Variants in CNBD1 observed in about 807,000 individuals in gnomAD.
CNBD1 encodes the protein cyclic nucleotide-binding domain-containing protein 1.
CNBD1 carries 71 observed loss-of-function variants against 54.4 expected under a neutral mutation model. That is an observed-to-expected ratio of 1.30 (90% CI 1.08 to 1.59). CNBD1 has a LOEUF of 1.59. Among genes scored for constraint, CNBD1 ranks in the 40% most tolerant of loss-of-function variants. The pLI, the probability that CNBD1 is intolerant of heterozygous loss-of-function variation, is 0.00. For missense variants in CNBD1, 659 were observed against 518.0 expected, an observed-to-expected ratio of 1.27 and a Z score of -2.64; for synonymous variants, 182 against 170.7, an observed-to-expected ratio of 1.07 and a Z score of -0.51.
chr8:86,890,635 A>G (rs955728976), intron 2 of CNBD1, among the ~76,000 whole-genome samples: 2 of 151,988 alleles, frequency 1.3e-5, no homozygotes, highest in Non-Finnish European at 2.9e-5. Flanking sequence ...TGTTAATTCT[A>G]TTTTTAGTCT....
intron 4 of CNBD1, among the ~76,000 whole-genome samples, chr8:87,173,657 A>T (rs1265062804): frequency 3.3e-5 from 4 of 120,384 alleles, no homozygotes; most frequent in Non-Finnish European, 6.8e-5. Flanking sequence ...GAGCTCCATT[A>T]TATGTTATTT....
At chr8:87,247,346 G>A (rs544087703) in intron 6 of CNBD1, among the ~76,000 whole-genome samples, 1 of 152,172 alleles carries the variant, frequency 6.6e-6, no homozygotes, top group African/African-American at 2.4e-5. Context: ...AGCTGAGAGA[G>A]GTGATCACGC....
At chr8:86,929,960 T>C (rs927412457) in intron 3 of CNBD1, among the ~76,000 whole-genome samples, 1 of 152,154 alleles carries the variant, frequency 6.6e-6, no homozygotes, top group Non-Finnish European at 1.5e-5. Context: ...CTGTGACATA[T>C]AAAGAGAAGT....
intron 4 of CNBD1, among the ~76,000 whole-genome samples, chr8:87,063,310 T>C (rs1322261591): frequency 6.6e-6 from 1 of 152,198 alleles, no homozygotes; most frequent in African/African-American, 2.4e-5. Flanking sequence ...ATCAGCATTA[T>C]AAGAATTGGA....
intron 6 of CNBD1, among the ~76,000 whole-genome samples, chr8:87,270,426 C>A (rs1055421056): frequency 6.6e-6 from 1 of 151,858 alleles, no homozygotes; most frequent in Non-Finnish European, 1.5e-5. Flanking sequence ...CCATCTCACG[C>A]CAGTCAGAAT....
chr8:86,902,412 ACTT>A (rs1310031512), intron 2 of CNBD1, among the ~76,000 whole-genome samples: 1 of 152,094 alleles, frequency 6.6e-6, no homozygotes, highest in African/African-American at 2.4e-5. Flanking sequence ...AATACACTGA[ACTT>A]CTTTTAATAC....
intron 6 of CNBD1, among the ~76,000 whole-genome samples, chr8:87,269,941 C>A (rs1808330197): frequency 6.6e-6 from 1 of 151,898 alleles, no homozygotes; most frequent in Non-Finnish European, 1.5e-5. Flanking sequence ...CAAATCCTGG[C>A]AGAGCTATAA....
intron 4 of CNBD1, among the ~76,000 whole-genome samples, chr8:87,145,336 C>T (rs968688266): frequency 6.6e-6 from 1 of 151,960 alleles, no homozygotes; most frequent in African/African-American, 2.4e-5. Flanking sequence ...GAATTTGTAC[C>T]TGTCAAAAAT....
chr8:86,952,737 T>C (rs2130450964), intron 4 of CNBD1, among the ~76,000 whole-genome samples: 1 of 152,276 alleles, frequency 6.6e-6, no homozygotes, highest in East Asian at 1.9e-4. Flanking sequence ...ATTTGTGATA[T>C]AAACTGTGCG....
chr8:87,389,881 T>G lies in CNBD1; in HGVS notation c.213+36095T>G, dbSNP rs182565421. Among the ~76,000 whole-genome samples, 410 of 152,276 alleles carry G rather than the reference T, an allele frequency of 2.7e-3. 1 individual carries two copies. Among genetic ancestry groups the G allele is most frequent in the Non-Finnish European group, 4.4e-3 (297 of 68,040 alleles). ...GGCTACAGTAACCAAAACAGCATGGTACTGGTACCTAAACAGAGATATAGA... is the reference window on the plus strand; with the variant it reads ...GGCTACAGTAACCAAAACAGCATGGGACTGGTACCTAAACAGAGATATAGA... On this transcript the variant is annotated intron_variant, in intron 2 of 7. Transcript: ENST00000521593.
At chr8:87,074,055 CG>C (rs1309853957) in intron 4 of CNBD1, among the ~76,000 whole-genome samples, 1 of 149,464 alleles carries the variant, frequency 6.7e-6, no homozygotes, top group African/African-American at 2.5e-5. Context: ...GAGCCGAGAT[CG>C]CGCCACTGCA....
chr8:87,361,689 AATAT>A (rs71277937), intron 10 of CNBD1, among the ~76,000 whole-genome samples: 2 of 143,448 alleles, frequency 1.4e-5, no homozygotes, highest in African/African-American at 2.6e-5. Context: ...TAGTTGGATG[AATAT>A]ATATATATAT....
intron 2 of CNBD1, among the ~76,000 whole-genome samples, chr8:87,409,989 C>T (rs1479378352): frequency 6.6e-6 from 1 of 151,864 alleles, no homozygotes; most frequent in Admixed American, 6.6e-5. Context: ...TGCCACTGCA[C>T]TCCAGCCTGG....
intron 2 of CNBD1, among the ~76,000 whole-genome samples, chr8:87,425,075 C>T (rs1210265093): frequency 6.6e-6 from 1 of 152,036 alleles, no homozygotes; most frequent in South Asian, 2.1e-4. Context: ...TTCATTTCAT[C>T]TTCCATTGCT....
chr8:87,312,816 G>A (rs1282118919), intron 8 of CNBD1, among the ~76,000 whole-genome samples: 2 of 151,736 alleles, frequency 1.3e-5, no homozygotes, highest in African/African-American at 4.8e-5. Flanking sequence ...GTCAGTACAG[G>A]GCAGCCATGT....
chr8:86,936,880 C>A (rs759375900), intron 3 of CNBD1, among the ~76,000 whole-genome samples: 7 of 151,994 alleles, frequency 4.6e-5, no homozygotes, highest in Non-Finnish European at 1.0e-4. Flanking sequence ...TTGTGAAAAG[C>A]AGAAGGATGC....
intron 4 of CNBD1, among the ~76,000 whole-genome samples, chr8:87,071,801 A>C (rs1563457348): frequency 1.3e-5 from 2 of 152,230 alleles, no homozygotes; most frequent in East Asian, 1.9e-4. Context: ...TTTGGGGTGG[A>C]GAGTTATGTA....
At chr8:87,235,075 C>A (rs1472716758) in intron 5 of CNBD1, among the ~76,000 whole-genome samples, 2 of 152,176 alleles carry the variant, frequency 1.3e-5, no homozygotes, top group African/African-American at 4.8e-5. Flanking sequence ...TAGCTCTCAG[C>A]TTTTCATCTG....
intron 2 of CNBD1, among the ~76,000 whole-genome samples, chr8:87,426,835 G>T (rs949027721): frequency 6.6e-6 from 1 of 152,040 alleles, no homozygotes; most frequent in Non-Finnish European, 1.5e-5. Flanking sequence ...AGACCCAAAA[G>T]GTACAGTTCC....
Sources: allele counts gnomAD v4.1 joint callset (sites outside exome capture counted in the v4.1 genomes callset), GRCh38; gene constraint gnomAD v4.1.1; transcripts MANE v1.5; gene names NCBI Gene and HGNC (gene_info 2026-07-23, HGNC 2026-07-21).